The following CDNF variants were observed in gnomAD, a reference collection of about 807,000 sequenced individuals.
CDNF encodes cerebral dopamine neurotrophic factor, also known as ARMET-like protein 1.
In CDNF, 9 loss-of-function variants were observed where a neutral mutation model predicts 14.8. The observed-to-expected ratio is 0.61, with a 90% CI of 0.37 to 1.06. The LOEUF is 1.06. Ranked by LOEUF, CDNF falls within the 50% of genes least tolerant of loss-of-function variation. The pLI is 0.01. For synonymous variants in CDNF, 86 were observed against 87.2 expected, an observed-to-expected ratio of 0.99 and a Z score of 0.07; for missense variants, 228 against 228.4, an observed-to-expected ratio of 1.00 and a Z score of 0.01.
chr10:14,832,102 T>C (rs917165966), intron 1 of CDNF, among the ~76,000 whole-genome samples: 4 of 152,060 alleles, frequency 2.6e-5, no homozygotes, highest in African/African-American at 7.3e-5. Context: ...GTAAGGAGGA[T>C]GGAGGGTGAC....
chr10:14,836,948 AAACAAAAC>A (rs1184272773), intron 1 of CDNF, among the ~76,000 whole-genome samples: 2 of 152,168 alleles, frequency 1.3e-5, no homozygotes, highest in Non-Finnish European at 2.9e-5. Context: ...CAAAAACAAA[AAACAAAAC>A]AACAAAACAA....
At chr10:14,836,027 T>C (rs1316729384) in intron 1 of CDNF, among the ~76,000 whole-genome samples, 2 of 152,252 alleles carry the variant, frequency 1.3e-5, no homozygotes, top group East Asian at 1.9e-4. Flanking sequence ...TGAATTTAAT[T>C]TTTTTCAAAA....
chr10:14,824,356 A>T (rs1361646917), intron 3 of CDNF, among the ~76,000 whole-genome samples: 1 of 152,162 alleles, frequency 6.6e-6, no homozygotes, highest in Non-Finnish European at 1.5e-5. Flanking sequence ...CTGTCATCCT[A>T]GCACTTTGAG....
In CDNF at chr10:14,820,054, T is replaced by C. The variant is rs1468789107; in HGVS notation, c.490A>G (p.Lys164Glu). ...TGAATGAGATTCACATAGTCAGTTT[T>C]TTCTGCACAGGCCCTGCACTCCTCC... ...WGEECRACAE[K>E]TDYVNLIQEL... Residue 164 changes from lysine to glutamate, a missense_variant, in exon 4 of 4, where the codon AAA (lysine) becomes GAA (glutamate). Physicochemically the swap from Lys to Glu is moderately conservative, Grantham distance 56. Coordinates refer to ENST00000465530, the MANE Select transcript of CDNF (RefSeq NM_001029954.3). 2 of 1,614,040 alleles carry C rather than the reference T, an allele frequency of 1.2e-6. No individual in the cohort carries two copies. The highest frequency in any genetic ancestry group is 2.7e-5 in the African/African-American group (2 of 74,924).
At chr10:14,820,607 C>A (rs1052216124) in intron 3 of CDNF, among the ~76,000 whole-genome samples, 2 of 151,970 alleles carry the variant, frequency 1.3e-5, no homozygotes, top group African/African-American at 2.4e-5. Context: ...CGGTGGCATG[C>A]CTGTAATCCC....
chr10:14,837,073 T>C lies in CDNF; in HGVS notation c.115+759A>G, dbSNP rs560379785. On this transcript the variant is annotated intron_variant, in intron 1 of 3. Coordinates refer to ENST00000465530, the MANE Select transcript of CDNF (RefSeq NM_001029954.3). ...GATATATTTTCCAGCTGAGGGCATA[T>C]ACATTTAAACTAATTATTTTCAGTA... Among the ~76,000 whole-genome samples, 5 of 152,356 alleles carry C rather than the reference T, an allele frequency of 3.3e-5. No individual in the cohort carries two copies. In the East Asian group the frequency reaches 7.7e-4, roughly 23 times the overall value.
At chr10:14,826,512 G>A (rs1833798234) in intron 2 of CDNF, among the ~76,000 whole-genome samples, 1 of 151,866 alleles carries the variant, frequency 6.6e-6, no homozygotes, top group African/African-American at 2.4e-5. Context: ...AAAAGAAGCA[G>A]CAGAAGCAGC....
chr10:14,831,878 T>A (rs1418249590), intron 1 of CDNF, among the ~76,000 whole-genome samples: 2 of 152,144 alleles, frequency 1.3e-5, no homozygotes, highest in South Asian at 2.1e-4. Flanking sequence ...CTAGCCCATA[T>A]ATTTTTATTT....
chr10:14,838,016 A>G lies in CDNF; in HGVS notation c.-70T>C, dbSNP rs1459958192. The G allele has an allele frequency of 8.4e-7, 1 of 1,193,248 alleles. No homozygotes were observed. The highest frequency in any genetic ancestry group is 1.2e-6 in the Non-Finnish European group (1 of 833,718). 73.9% of individuals were successfully genotyped at this position (1,193,248 alleles called of 1,614,324 possible). A position where few individuals can be genotyped will look rare whatever the true frequency, so the allele number is the denominator to read the frequency against. On this transcript the variant is annotated 5_prime_UTR_variant, in exon 1 of 4. Transcript: ENST00000465530. ...CCCACCAAGCTGCCAAAGCGAGCTGAGCAGAATTCGAGGTTGGAAAGAATC... is the reference window on the plus strand; with the variant it reads ...CCCACCAAGCTGCCAAAGCGAGCTGGGCAGAATTCGAGGTTGGAAAGAATC...
At chr10:14,832,437 G>T (rs537197313) in intron 1 of CDNF, among the ~76,000 whole-genome samples, 1 of 152,332 alleles carries the variant, frequency 6.6e-6, no homozygotes, top group South Asian at 2.1e-4. Context: ...ACTCTGAGAA[G>T]GGAAGCCATT....
chr10:14,831,689 C>T (rs1833845258), intron 1 of CDNF, among the ~76,000 whole-genome samples: 2 of 151,916 alleles, frequency 1.3e-5, no homozygotes, highest in African/African-American at 4.8e-5. Context: ...ATTCTCCTGC[C>T]TCAGACTCCT....
At chr10:14,831,228 T>C (rs1354507254) in intron 1 of CDNF, among the ~76,000 whole-genome samples, 1 of 152,074 alleles carries the variant, frequency 6.6e-6, no homozygotes, top group Non-Finnish European at 1.5e-5. Flanking sequence ...TGTGTTTATT[T>C]AGCCAAAACC....
intron 1 of CDNF, among the ~76,000 whole-genome samples, chr10:14,833,014 C>T (rs1033371517): frequency 6.6e-6 from 1 of 151,634 alleles, no homozygotes; most frequent in African/African-American, 2.4e-5. Context: ...CGCATGTCAC[C>T]ACACCTAGCT....
At chr10:14,823,413 A>G (rs1445190627) in intron 3 of CDNF, among the ~76,000 whole-genome samples, 2 of 152,174 alleles carry the variant, frequency 1.3e-5, no homozygotes, top group Non-Finnish European at 2.9e-5. Context: ...TGATTTTTCT[A>G]TTGTTTAAGG....
Position 14,826,095 on chromosome 10 carries a change from A to AAGAAGC in CDNF, c.244-476_244-475insGCTTCT, listed in dbSNP as rs1426555042. ...GAAGAAGAAGAAGAAGAAGAAGAAG[A>AAGAAGC]AGCAGCAGCAGCAGCAGCAGCAGCA... On this transcript the variant is annotated intron_variant, in intron 2 of 3. Coordinates refer to ENST00000465530, the MANE Select transcript of CDNF (RefSeq NM_001029954.3). 6.3e-3 allele frequency among the ~76,000 whole-genome samples: 548 copies of AAGAAGC among 87,116 alleles called. 1 individual carries two copies. The highest frequency in any genetic ancestry group is 0.011 in the Middle Eastern group (2 of 184). 57.2% of individuals were successfully genotyped at this position (87,116 alleles called of 152,430 possible).
At chr10:14,831,332 C>T in intron 1 of CDNF, among the ~76,000 whole-genome samples, 1 of 152,098 alleles carries the variant, frequency 6.6e-6, no homozygotes, top group Non-Finnish European at 1.5e-5. Flanking sequence ...CCCACTTCCA[C>T]TCTGTGGTTG....
chr10:14,826,406 C>CAGCAGCAGAAGCAAAAGAAGCAGCAGA (rs1833794673), intron 2 of CDNF, among the ~76,000 whole-genome samples: 1 of 147,610 alleles, frequency 6.8e-6, no homozygotes, highest in East Asian at 2.0e-4. Flanking sequence ...GAAGCAGCAG[C>CAGCAGCAGAAGCAAAAGAAGCAGCAGA]AGCAGCAGAA....
At chr10:14,826,981 C>G (rs1833803086) in intron 2 of CDNF, among the ~76,000 whole-genome samples, 1 of 134,636 alleles carries the variant, frequency 7.4e-6, no homozygotes, top group Non-Finnish European at 1.5e-5. Context: ...TTTGGGAGGC[C>G]AAGGCGGGTG....
At chr10:14,824,080 G>A (rs547098619) in intron 3 of CDNF, among the ~76,000 whole-genome samples, 7 of 152,318 alleles carry the variant, frequency 4.6e-5, no homozygotes, top group African/African-American at 1.4e-4. Context: ...AGAGGTGGAT[G>A]CTAATTACTT....
Sources: allele counts gnomAD v4.1 joint callset (sites outside exome capture counted in the v4.1 genomes callset), GRCh38; gene constraint gnomAD v4.1.1; transcripts MANE v1.5; gene names NCBI Gene and HGNC (gene_info 2026-07-23, HGNC 2026-07-21).